FRMD4A: variants seen among roughly 807,000 people sequenced by gnomAD.
FRMD4A encodes the protein FERM domain containing 4A.
Under a neutral mutation model 129.1 loss-of-function variants are expected in FRMD4A, and 29 were observed. The ratio of observed to expected loss-of-function variants is 0.22; its 90% CI spans 0.17 to 0.31. FRMD4A has a LOEUF of 0.31. FRMD4A is among the 10% of genes least tolerant of loss of function. The pLI is 1.00. For missense variants in FRMD4A, 1,272 were observed against 1,375.8 expected (o/e 0.92, Z 1.19); for synonymous variants, 634 against 571.6 (o/e 1.11, Z -1.56).
At chr10:14,281,173 G>C (rs12262536) in intron 2 of FRMD4A, among the ~76,000 whole-genome samples, 2 of 151,666 alleles carry the variant, frequency 1.3e-5, no homozygotes, top group Non-Finnish European at 2.9e-5. Flanking sequence ...TGTATTTTTA[G>C]TAGAAGCAGG....
At chr10:14,025,253 C>T (rs962787933) in intron 2 of FRMD4A, among the ~76,000 whole-genome samples, 6 of 151,816 alleles carry the variant, frequency 4.0e-5, no homozygotes, top group South Asian at 2.1e-4. Context: ...AGAATATCCA[C>T]GAAATCTTGC....
chr10:14,000,646 C>CAAACAAAAAAAA (rs769448624), intron 2 of FRMD4A, among the ~76,000 whole-genome samples: 1 of 43,470 alleles, frequency 2.3e-5, no homozygotes, highest in East Asian at 6.5e-4. Flanking sequence ...GACGCCACCT[C>CAAACAAAAAAAA]AAAAAAAAAA....
chr10:14,148,178 C>G (rs1368975696), intron 2 of FRMD4A, among the ~76,000 whole-genome samples: 1 of 152,138 alleles, frequency 6.6e-6, no homozygotes, highest in Non-Finnish European at 1.5e-5. Context: ...GCATCCACCC[C>G]CTCTTACTAT....
intron 2 of FRMD4A, among the ~76,000 whole-genome samples, chr10:14,135,431 G>A (rs1839483618): frequency 6.6e-6 from 1 of 152,182 alleles, no homozygotes; most frequent in African/African-American, 2.4e-5. Flanking sequence ...GCCAGTTTCT[G>A]TACATCATTT....
At chr10:13,881,992 T>G (rs2091580) in intron 2 of FRMD4A, among the ~76,000 whole-genome samples, 206 of 626 alleles carry the variant, frequency 0.33, 4 homozygotes, top group South Asian at 0.45. Context: ...GAGGCAAGGG[T>G]GTGTGTGTGT....
chr10:14,172,464 C>T (rs1277789555), intron 2 of FRMD4A, among the ~76,000 whole-genome samples: 1 of 152,176 alleles, frequency 6.6e-6, no homozygotes, highest in Admixed American at 6.5e-5. Flanking sequence ...GTGTGATTTA[C>T]GCAGAGCCTG....
chr10:14,226,714 C>T (rs1195772568), intron 2 of FRMD4A, among the ~76,000 whole-genome samples: 1 of 152,228 alleles, frequency 6.6e-6, no homozygotes, highest in Non-Finnish European at 1.5e-5. Flanking sequence ...ACCCAAAGCA[C>T]CATCCTTCAT....
chr10:13,667,562 C>T (rs2083158471), intron 17 of FRMD4A: 1 of 152,232 alleles, frequency 6.6e-6, no homozygotes. Context: ...GCTGACCAAG[C>T]CTCTCCTCTG....
At chr10:13,649,045 T>C (rs1359927381) in intron 24 of FRMD4A, among the ~76,000 whole-genome samples, 1 of 152,192 alleles carries the variant, frequency 6.6e-6, no homozygotes, top group Non-Finnish European at 1.5e-5. Context: ...GCCACAGAAC[T>C]TCTGGAACAG....
chr10:13,811,139 T>C (rs1023557463), intron 3 of FRMD4A, among the ~76,000 whole-genome samples: 2 of 151,514 alleles, frequency 1.3e-5, no homozygotes, highest in Non-Finnish European at 2.9e-5. Context: ...TAGAAGGGTT[T>C]TTTTTTTTTT....
At position 14,127,604 on chromosome 10, in the gene FRMD4A, T is replaced by G. The variant is rs1046987765; in HGVS notation, c.45+202454A>C. ...TCCCATCTGAAAAATAGAATAATGA[T>G]AGTGTCTGCCTGTGCCCGTAAGACC... On this transcript the variant is annotated intron_variant, in intron 2 of 24. Coordinates refer to ENST00000357447, the MANE Select transcript of FRMD4A (RefSeq NM_018027.5). Among the ~76,000 whole-genome samples the G allele has an allele frequency of 2.0e-5, 3 of 152,306 alleles. No individual in the cohort carries two copies. The East Asian group carries it at 5.8e-4, about 29-fold the overall frequency.
chr10:14,041,792 G>T (rs1239675063), intron 2 of FRMD4A, among the ~76,000 whole-genome samples: 1 of 152,216 alleles, frequency 6.6e-6, no homozygotes, highest in Non-Finnish European at 1.5e-5. Context: ...AAGTATTTTT[G>T]AGTAAAAGAA....
chr10:14,057,776 G>A (rs936513367), intron 2 of FRMD4A, among the ~76,000 whole-genome samples: 1 of 152,252 alleles, frequency 6.6e-6, no homozygotes, highest in African/African-American at 2.4e-5. Context: ...CACCATGTTG[G>A]TCAGGCTGGT....
intron 2 of FRMD4A, among the ~76,000 whole-genome samples, chr10:13,994,149 C>T (rs1385375602): frequency 6.8e-6 from 1 of 146,710 alleles, no homozygotes. Context: ...GCTGGGATGA[C>T]AGGAGTGTGC....
intron 2 of FRMD4A, among the ~76,000 whole-genome samples, chr10:13,923,720 A>G (rs1311410816): frequency 1.3e-5 from 2 of 152,186 alleles, no homozygotes; most frequent in Non-Finnish European, 2.9e-5. Context: ...CGTTTATCTT[A>G]TACATAAGCA....
At chr10:13,997,457 C>A (rs2095626650) in intron 2 of FRMD4A, among the ~76,000 whole-genome samples, 1 of 152,108 alleles carries the variant, frequency 6.6e-6, no homozygotes, top group Non-Finnish European at 1.5e-5. Flanking sequence ...TTCTCTACCC[C>A]ACTGTGCCTG....
At chr10:13,663,125 G>T (rs1469690783) in intron 19 of FRMD4A, among the ~76,000 whole-genome samples, 1 of 151,526 alleles carries the variant, frequency 6.6e-6, no homozygotes, top group Non-Finnish European at 1.5e-5. Context: ...AGGAGGCAGA[G>T]GTTGTAGTGA....
chr10:13,901,600 C>A (rs2094819913), intron 2 of FRMD4A, among the ~76,000 whole-genome samples: 2 of 118,878 alleles, frequency 1.7e-5, no homozygotes, highest in South Asian at 5.9e-4. Context: ...CAGAGCGAGA[C>A]TTCATCTCAA....
rs182427132 is a variant in FRMD4A at position 13,791,009 on chromosome 10, G to A, written c.299+5487C>T. 9.5e-4 allele frequency among the ~76,000 whole-genome samples: 145 copies of A among 152,328 alleles called. No homozygotes were observed. In the Middle Eastern group the frequency reaches 0.01, roughly 11 times the overall value. ...GATTGAGGTACACGTGGATCAGTGC[G>A]TGCTGGATGATGGGCTAAGGGTCTT... On this transcript the variant is annotated intron_variant, in intron 5 of 24. Coordinates refer to ENST00000357447, the MANE Select transcript of FRMD4A (RefSeq NM_018027.5).
Sources: allele counts gnomAD v4.1 joint callset (sites outside exome capture counted in the v4.1 genomes callset), GRCh38; gene constraint gnomAD v4.1.1; transcripts MANE v1.5; gene names NCBI Gene and HGNC (gene_info 2026-07-23, HGNC 2026-07-21).